Variants in RALGAPA2 observed in about 807,000 individuals in gnomAD.
RALGAPA2 encodes the protein ral GTPase-activating protein subunit alpha-2.
A neutral mutation model predicts 230.4 loss-of-function variants in RALGAPA2; 139 were observed. The observed-to-expected ratio is 0.60, with a 90% CI of 0.53 to 0.69. RALGAPA2 has a LOEUF of 0.69. Ranked by LOEUF, RALGAPA2 falls within the 30% of genes least tolerant of loss-of-function variation. The probability of loss-of-function intolerance (pLI) is 0.00; values close to 1 mark genes in which losing one functional copy is unlikely to be tolerated. For missense variants in RALGAPA2, 2,163 were observed against 2,276.0 expected (o/e 0.95, Z 1.01); for synonymous variants, 847 against 837.8 (o/e 1.01, Z -0.19).
intron 16 of RALGAPA2, among the ~76,000 whole-genome samples, chr20:20,595,519 C>T (rs967603322): frequency 6.6e-6 from 1 of 152,124 alleles, no homozygotes; most frequent in Non-Finnish European, 1.5e-5. Flanking sequence ...TTTGCCATAC[C>T]ATTCCAATAT....
At chr20:20,521,969 A>G (rs1196831372) in intron 30 of RALGAPA2, among the ~76,000 whole-genome samples, 1 of 152,246 alleles carries the variant, frequency 6.6e-6, no homozygotes, top group African/African-American at 2.4e-5. Flanking sequence ...CAGGGCAACC[A>G]CTTGACTATG....
intron 9 of RALGAPA2, among the ~76,000 whole-genome samples, chr20:20,630,741 A>C (rs2066645226): frequency 6.6e-6 from 1 of 152,140 alleles, no homozygotes; most frequent in Non-Finnish European, 1.5e-5. Context: ...AGTCTCAAAA[A>C]CTTGCTTCTC....
At chr20:20,446,933 T>G (rs2060878220) in intron 37 of RALGAPA2, among the ~76,000 whole-genome samples, 1 of 152,188 alleles carries the variant, frequency 6.6e-6, no homozygotes, top group Admixed American at 6.5e-5. Context: ...TTCTGCTAAG[T>G]TTTAGTTTGA....
chr20:20,494,906 A>G (rs931715943), intron 36 of RALGAPA2, among the ~76,000 whole-genome samples: 1 of 152,252 alleles, frequency 6.6e-6, no homozygotes, highest in Admixed American at 6.5e-5. Context: ...TAGTAATACA[A>G]TAATACAATT....
Position 20,520,970 on chromosome 20 carries a change from G to A in RALGAPA2, c.4031C>T (p.Pro1344Leu). The A allele has an allele frequency of 6.2e-7, 1 of 1,613,894 alleles. No individual in the cohort carries two copies. The highest frequency in any genetic ancestry group is 8.5e-7 in the Non-Finnish European group (1 of 1,179,830). Residue 1344 changes from proline to leucine, a missense_variant, in exon 31 of 40, where the codon CCA becomes CTA. By Grantham distance (98) the Pro-to-Leu change is moderately conservative. Transcript: ENST00000202677. ...LPLANVKSSE[P>L]VQYHSSAELG... ...TTCTGCTGATGAATGATACTGGACT[G>A]GCTCAGAGCTCTTCACATTTGCCAG...
chr20:20,426,145 G>A (rs1269846822), intron 37 of RALGAPA2, among the ~76,000 whole-genome samples: 1 of 152,200 alleles, frequency 6.6e-6, no homozygotes, highest in East Asian at 1.9e-4. Flanking sequence ...GTTTTGAGCA[G>A]CCACAGGGCA....
At chr20:20,499,342 CT>C (rs1569446986) in intron 35 of RALGAPA2, among the ~76,000 whole-genome samples, 1 of 151,964 alleles carries the variant, frequency 6.6e-6, no homozygotes, top group Non-Finnish European at 1.5e-5. Context: ...AAAAACAGTC[CT>C]ACTTTACTTA....
At chr20:20,519,164 C>G (rs1308227789) in intron 31 of RALGAPA2, among the ~76,000 whole-genome samples, 1 of 152,166 alleles carries the variant, frequency 6.6e-6, no homozygotes, top group Non-Finnish European at 1.5e-5. Flanking sequence ...GTCATTAAAT[C>G]TTAGGTTCAA....
chr20:20,671,610 C>T (rs1410397259), intron 3 of RALGAPA2, among the ~76,000 whole-genome samples: 3 of 152,162 alleles, frequency 2.0e-5, no homozygotes, highest in African/African-American at 4.8e-5. Flanking sequence ...AAAAGTAATG[C>T]AAGTTTATTA....
chr20:20,666,940 A>T (rs1354394050), intron 3 of RALGAPA2, among the ~76,000 whole-genome samples: 1 of 152,186 alleles, frequency 6.6e-6, no homozygotes. Context: ...GAGGAGGAGA[A>T]GGAAAGGAAG....
At chr20:20,454,402 A>T (rs185026676) in intron 37 of RALGAPA2, among the ~76,000 whole-genome samples, 7 of 152,338 alleles carry the variant, frequency 4.6e-5, no homozygotes, top group Admixed American at 2.0e-4. Context: ...TCGTGGCTCT[A>T]TTGGCCACTG....
intron 33 of RALGAPA2, 27 bp from the exon 34 acceptor site, chr20:20,505,561 T>G (rs369789648): frequency 1.2e-5 from 18 of 1,513,990 alleles, no homozygotes; most frequent in Non-Finnish European, 1.5e-5. Flanking sequence ...TTAAAGGAGT[T>G]AGAATTCTTA....
In RALGAPA2 at chr20:20,616,029, T is replaced by C. The variant is rs771966117; in HGVS notation, c.1688+14A>G. On this transcript the variant is annotated intron_variant, in intron 13 of 39. Coordinates refer to ENST00000202677, the MANE Select transcript of RALGAPA2 (RefSeq NM_020343.4). Reference sequence around the variant, plus strand: ...ATCTGTTTTACAATACTAATTAATTTGATATAAACTTACCATGTCTTTTTA... The same window carrying C: ...ATCTGTTTTACAATACTAATTAATTCGATATAAACTTACCATGTCTTTTTA... 1 of 1,438,118 alleles carries C rather than the reference T, an allele frequency of 7.0e-7. No individual in the cohort carries two copies. Among genetic ancestry groups the C allele is most frequent in the Admixed American group, 2.9e-5 (1 of 34,244 alleles). The allele number at this position is 1,438,118 out of a possible 1,614,324, so 89.1% of individuals were successfully genotyped here.
chr20:20,611,299 C>G lies in RALGAPA2; in HGVS notation c.1800+16G>C. 6.3e-7 allele frequency: 1 copy of G among 1,590,004 alleles called. No individual in the cohort carries two copies. Among genetic ancestry groups the G allele is most frequent in the Non-Finnish European group, 8.6e-7 (1 of 1,167,350 alleles). ...TCATTTCTTGCATTTGCAGTGCTTTCATAAAAAAGACTTACCCTAAATAGT... is the reference window on the plus strand; with the variant it reads ...TCATTTCTTGCATTTGCAGTGCTTTGATAAAAAAGACTTACCCTAAATAGT... On this transcript the variant is annotated intron_variant, in intron 14 of 39. Coordinates refer to ENST00000202677, the MANE Select transcript of RALGAPA2 (RefSeq NM_020343.4).
intron 20 of RALGAPA2, among the ~76,000 whole-genome samples, chr20:20,581,563 C>T (rs185641525): frequency 8.3e-4 from 127 of 152,284 alleles, no homozygotes; most frequent in Non-Finnish European, 1.5e-3. Flanking sequence ...TCAATCTCCC[C>T]ATCTCTAAAA....
intron 37 of RALGAPA2, among the ~76,000 whole-genome samples, chr20:20,457,466 C>CA (rs1341667885): frequency 1.3e-5 from 2 of 152,118 alleles, no homozygotes; most frequent in African/African-American, 4.8e-5. Flanking sequence ...TATGGAAAGA[C>CA]AAATGTCCTA....
At chr20:20,669,743 A>G (rs1393977892) in intron 3 of RALGAPA2, among the ~76,000 whole-genome samples, 1 of 152,134 alleles carries the variant, frequency 6.6e-6, no homozygotes, top group Non-Finnish European at 1.5e-5. Flanking sequence ...TCTGTGTGAC[A>G]TGTCTGTTTC....
chr20:20,463,063 G>C (rs1278984353), intron 37 of RALGAPA2, among the ~76,000 whole-genome samples: 3 of 152,080 alleles, frequency 2.0e-5, no homozygotes, highest in Non-Finnish European at 4.4e-5. Flanking sequence ...GGCACCAGAA[G>C]AGATTGTCTT....
chr20:20,455,948 A>G (rs2061106518), intron 37 of RALGAPA2, among the ~76,000 whole-genome samples: 1 of 152,224 alleles, frequency 6.6e-6, no homozygotes, highest in Non-Finnish European at 1.5e-5. Flanking sequence ...GATTCATGAG[A>G]CCAAGTTAAA....
Sources: allele counts gnomAD v4.1 joint callset (sites outside exome capture counted in the v4.1 genomes callset), GRCh38; gene constraint gnomAD v4.1.1; transcripts MANE v1.5; gene names NCBI Gene and HGNC (gene_info 2026-07-23, HGNC 2026-07-21).